The following LRRIQ3 variants were observed in gnomAD, a reference collection of about 807,000 sequenced individuals.
LRRIQ3 encodes leucine rich repeats and IQ motif containing 3.
A neutral mutation model predicts 59.3 loss-of-function variants in LRRIQ3; 75 were observed. The observed-to-expected ratio is 1.26, with a 90% confidence interval of 1.05 to 1.53. The LOEUF (loss-of-function observed/expected upper bound fraction) is 1.53, where lower values mean the gene tolerates loss of function less well. Among genes scored for constraint, LRRIQ3 ranks in the 40% most tolerant of loss-of-function variants. The pLI, the probability that LRRIQ3 is intolerant of heterozygous loss-of-function variation, is 0.00. For missense variants in LRRIQ3, 831 were observed against 710.0 expected, an observed-to-expected ratio of 1.17 and a Z score of -1.94; for synonymous variants, 250 against 231.3, an observed-to-expected ratio of 1.08 and a Z score of -0.73.
chr1:74,130,547 G>A (rs1377799512), intron 4 of LRRIQ3, among the ~76,000 whole-genome samples: 1 of 152,078 alleles, frequency 6.6e-6, no homozygotes, highest in Non-Finnish European at 1.5e-5. Context: ...CTCCTTCATT[G>A]ATATGAAGAT....
chr1:74,160,910 T>C (rs943957923), intron 3 of LRRIQ3, among the ~76,000 whole-genome samples: 1 of 152,100 alleles, frequency 6.6e-6, no homozygotes, highest in African/African-American at 2.4e-5. Flanking sequence ...TGTGATTTTA[T>C]AATATTTTTC....
At chr1:74,181,715 T>A (rs954503501) in intron 3 of LRRIQ3, 1 of 151,852 alleles carries the variant, frequency 6.6e-6, no homozygotes, top group African/African-American at 2.4e-5. Context: ...ACAAAATCAC[T>A]AATATGTCCC....
intron 4 of LRRIQ3, chr1:74,138,617 A>G (rs1647169068): frequency 3.0e-6 from 1 of 336,482 alleles, no homozygotes; most frequent in Non-Finnish European, 4.2e-6. Context: ...GCTTTCAAGA[A>G]AGCAGCCAGC....
intron 1 of LRRIQ3, among the ~76,000 whole-genome samples, chr1:74,190,016 T>C (rs1222958114): frequency 1.3e-5 from 2 of 152,148 alleles, no homozygotes; most frequent in African/African-American, 4.8e-5. Flanking sequence ...GTATGGCATG[T>C]AAGGAGCTTG....
intron 3 of LRRIQ3, among the ~76,000 whole-genome samples, chr1:74,173,818 C>T (rs1411614432): frequency 3.9e-5 from 6 of 152,066 alleles, no homozygotes; most frequent in Non-Finnish European, 8.8e-5. Flanking sequence ...TGAACTCCTT[C>T]AATTTTTGTT....
chr1:74,049,164 CA>C (rs1424933901), intron 6 of LRRIQ3, among the ~76,000 whole-genome samples: 1 of 152,108 alleles, frequency 6.6e-6, no homozygotes, highest in Non-Finnish European at 1.5e-5. Context: ...GCTAGGGATA[CA>C]GAGAGAAAGC....
intron 7 of LRRIQ3, among the ~76,000 whole-genome samples, chr1:74,028,615 T>A (rs1653592760): frequency 1.3e-5 from 2 of 151,928 alleles, no homozygotes; most frequent in Admixed American, 6.6e-5. Flanking sequence ...AGTGAAGGCT[T>A]ATAGTTAAGA....
At chr1:74,134,740 A>G (rs1181337194) in intron 4 of LRRIQ3, among the ~76,000 whole-genome samples, 6 of 151,900 alleles carry the variant, frequency 3.9e-5, no homozygotes, top group Non-Finnish European at 1.5e-5. Flanking sequence ...ACCACTGAGA[A>G]AATAACAAAA....
At chr1:74,031,253 C>T (rs1452918556) in intron 7 of LRRIQ3, among the ~76,000 whole-genome samples, 2 of 152,112 alleles carry the variant, frequency 1.3e-5, no homozygotes, top group African/African-American at 4.8e-5. Flanking sequence ...CCAGCCATCC[C>T]ATTACTGGGT....
At chr1:74,197,234 C>T (rs751965748) in intron 1 of LRRIQ3, among the ~76,000 whole-genome samples, 13 of 152,142 alleles carry the variant, frequency 8.5e-5, no homozygotes, top group Admixed American at 2.6e-4. Flanking sequence ...TTTATGGTGC[C>T]CTGAATGTCT....
At chr1:74,163,197 C>T (rs918532717) in intron 3 of LRRIQ3, among the ~76,000 whole-genome samples, 32 of 151,380 alleles carry the variant, frequency 2.1e-4, no homozygotes, top group South Asian at 2.1e-4. Context: ...ACATACCAAT[C>T]CCATAAGTGT....
intron 4 of LRRIQ3, among the ~76,000 whole-genome samples, chr1:74,135,434 C>T (rs1017902676): frequency 6.6e-6 from 1 of 151,814 alleles, no homozygotes; most frequent in Non-Finnish European, 1.5e-5. Context: ...ACAATTCACC[C>T]AATAGAATGA....
chr1:74,142,334 G>T (rs1208982157), intron 4 of LRRIQ3, among the ~76,000 whole-genome samples: 1 of 151,844 alleles, frequency 6.6e-6, no homozygotes, highest in Non-Finnish European at 1.5e-5. Context: ...CATCAAATGA[G>T]ATAATGAAAT....
chr1:74,045,847 C>A (rs1482734012), intron 6 of LRRIQ3, among the ~76,000 whole-genome samples: 2 of 152,070 alleles, frequency 1.3e-5, no homozygotes, highest in Non-Finnish European at 2.9e-5. Context: ...TGAGTGAACT[C>A]CCATTTACAA....
chr1:74,079,962 C>A (rs751005617), intron 5 of LRRIQ3, among the ~76,000 whole-genome samples: 1 of 151,752 alleles, frequency 6.6e-6, no homozygotes, highest in African/African-American at 2.4e-5. Flanking sequence ...ACTCAGCAAC[C>A]CTTCACAACT....
chr1:74,125,557 T>C (rs1268436848), intron 4 of LRRIQ3, among the ~76,000 whole-genome samples: 1 of 151,874 alleles, frequency 6.6e-6, no homozygotes, highest in Non-Finnish European at 1.5e-5. Flanking sequence ...GTTTTTATCA[T>C]AAAGGGATAT....
intron 4 of LRRIQ3, among the ~76,000 whole-genome samples, chr1:74,111,527 G>C (rs946133908): frequency 1.3e-5 from 2 of 152,058 alleles, no homozygotes; most frequent in Non-Finnish European, 2.9e-5. Flanking sequence ...CTTTGAAAAG[G>C]ATCATGTTGG....
intron 1 of LRRIQ3, among the ~76,000 whole-genome samples, chr1:74,191,380 G>A (rs1241484591): frequency 6.6e-6 from 1 of 151,884 alleles, no homozygotes; most frequent in Non-Finnish European, 1.5e-5. Flanking sequence ...AACAAGTGAG[G>A]ATAAAATAAA....
At chr1:74,181,767 T>C (rs978723653) in intron 3 of LRRIQ3, 2 of 151,832 alleles carry the variant, frequency 1.3e-5, no homozygotes, top group African/African-American at 4.8e-5. Flanking sequence ...TCTTCCAACT[T>C]TGTAATTTTC....
Sources: gnomAD v4.1 joint callset for allele counts (sites outside exome capture counted in the v4.1 genomes callset) on GRCh38, gnomAD v4.1.1 for gene constraint, MANE v1.5 for transcripts, NCBI Gene and HGNC (gene_info 2026-07-23, HGNC 2026-07-21) for gene names.